Variants in CDC123 observed in about 807,000 individuals in gnomAD.
CDC123 encodes cell division cycle 123, also known as translation initiation factor eIF2 assembly protein.
Under a neutral mutation model 54.4 loss-of-function variants are expected in CDC123, and 37 were observed. The observed-to-expected ratio is 0.68, with a 90% CI of 0.52 to 0.89. CDC123 has a LOEUF of 0.89. CDC123 is among the 40% of genes least tolerant of loss of function. The pLI is 0.00. For missense variants in CDC123, 361 were observed against 412.1 expected (o/e 0.88, Z 1.07); for synonymous variants, 144 against 136.8 (o/e 1.05, Z -0.37).
At chr10:12,211,151 C>T (rs1835593949) in intron 4 of CDC123, among the ~76,000 whole-genome samples, 1 of 152,072 alleles carries the variant, frequency 6.6e-6, no homozygotes, top group Non-Finnish European at 1.5e-5. Flanking sequence ...TGAAAGTTAA[C>T]CTAAAATTTT....
chr10:12,215,793 C>A lies in CDC123; in HGVS notation c.291C>A (p.Leu97=), dbSNP rs763125813. ...AAGTCCAGGAAGCTATCAATTCCCT[C>A]GGGGGCAGTGTCTTTCCTAAGCTTA... is the stretch of plus-strand genomic sequence containing the variant. ...ATKVQEAINS[L]GGSVFPKLNW... The change falls in exon 5 of 13, where the codon CTC becomes CTA. Residue 97 remains leucine (L), a synonymous_variant. Transcript: ENST00000281141. 1 of 1,612,594 alleles carries A rather than the reference C, an allele frequency of 6.2e-7. No homozygotes were observed. Among genetic ancestry groups the A allele is most frequent in the Non-Finnish European group, 8.5e-7 (1 of 1,179,452 alleles).
At chr10:12,207,798 C>T (rs4747968) in intron 2 of CDC123, among the ~76,000 whole-genome samples, 73,182 of 151,956 alleles carry the variant, frequency 0.48, 19,693 homozygotes, top group Middle Eastern at 0.61. Context: ...ATTTCACCCC[C>T]ATATTCATTT....
In CDC123 at chr10:12,217,486, C is replaced by A; in HGVS notation, c.440+19C>A. 6.2e-7 allele frequency: 1 copy of A among 1,609,164 alleles called. No homozygotes were observed. The highest frequency in any genetic ancestry group is 1.1e-5 in the South Asian group (1 of 90,252). On this transcript the variant is annotated intron_variant, in intron 6 of 12. Coordinates refer to ENST00000281141, the MANE Select transcript of CDC123 (RefSeq NM_006023.3). ...CTCAGCCGTAAGTATCTCTTATTCT[C>A]TCATGTCAATAGTTTCAGTATTTGT...
intron 2 of CDC123, among the ~76,000 whole-genome samples, chr10:12,200,406 G>A (rs892232503): frequency 9.2e-5 from 14 of 151,892 alleles, no homozygotes; most frequent in African/African-American, 2.7e-4. Context: ...GATTACAGGC[G>A]TGAGCCACTG....
intron 6 of CDC123, among the ~76,000 whole-genome samples, chr10:12,222,787 T>C (rs1044329915): frequency 1.3e-5 from 2 of 152,224 alleles, no homozygotes; most frequent in African/African-American, 4.8e-5. Flanking sequence ...AGAGTCTCAC[T>C]CTGTCACCCA....
At position 12,217,445 on chromosome 10, in the gene CDC123, A is replaced by G; in HGVS notation, c.418A>G (p.Ile140Val). 6.2e-7 allele frequency: 1 copy of G among 1,613,966 alleles called. No homozygotes were observed. ...TCTGCTTTTCAAGAGTTCCGATTTC[A>G]TCACTCGTGACTTCACTCAGCCGTA... Reference protein sequence around the residue: ...IFLLFKSSDFITRDFTQPFIH... With the variant: ...IFLLFKSSDFVTRDFTQPFIH... Residue 140 changes from isoleucine (I) to valine (V), a missense_variant, in exon 6 of 13, where the codon ATC becomes GTC. Physicochemically the swap from Ile to Val is conservative, Grantham distance 29. Transcript: ENST00000281141.
intron 4 of CDC123, among the ~76,000 whole-genome samples, chr10:12,213,911 C>T (rs1333507713): frequency 3.3e-5 from 5 of 152,176 alleles, no homozygotes; most frequent in South Asian, 4.1e-4. Flanking sequence ...ATTGCCTGTC[C>T]GTAAGAATTA....
intron 10 of CDC123, among the ~76,000 whole-genome samples, chr10:12,243,258 C>T (rs374185963): frequency 6.6e-6 from 1 of 151,380 alleles, no homozygotes; most frequent in African/African-American, 2.4e-5. Flanking sequence ...ATTAGCCAGG[C>T]GTGGTGGTGC....
chr10:12,223,876 A>G (rs1480418815), intron 6 of CDC123, among the ~76,000 whole-genome samples: 1 of 151,028 alleles, frequency 6.6e-6, no homozygotes, highest in African/African-American at 2.4e-5. Flanking sequence ...TTATTTTTTT[A>G]TTTCAGTAGG....
intron 2 of CDC123, among the ~76,000 whole-genome samples, chr10:12,201,084 T>A (rs4255450): frequency 4.6e-5 from 7 of 152,228 alleles, no homozygotes; most frequent in East Asian, 1.9e-4. Context: ...GTCAGATTGC[T>A]TAATTTTAAG....
At chr10:12,219,967 C>T (rs555641948) in intron 6 of CDC123, among the ~76,000 whole-genome samples, 4 of 152,258 alleles carry the variant, frequency 2.6e-5, no homozygotes, top group African/African-American at 9.6e-5. Flanking sequence ...GAATTACAGG[C>T]GTGGGCCACC....
intron 7 of CDC123, among the ~76,000 whole-genome samples, chr10:12,233,516 T>C: frequency 6.6e-6 from 1 of 152,230 alleles, no homozygotes; most frequent in East Asian, 1.9e-4. Flanking sequence ...TTGATAAACA[T>C]TATGCAAATT....
intron 7 of CDC123, among the ~76,000 whole-genome samples, chr10:12,234,177 C>T (rs1328527775): frequency 2.0e-5 from 3 of 152,208 alleles, no homozygotes; most frequent in Admixed American, 6.5e-5. Context: ...TCACTGCAAC[C>T]TCCGCTTCCT....
chr10:12,249,642 G>C lies in CDC123; in HGVS notation c.908G>C (p.Ser303Thr). 6.2e-7 allele frequency: 1 copy of C among 1,614,152 alleles called. No homozygotes were observed. Among genetic ancestry groups the C allele is most frequent in the Non-Finnish European group, 8.5e-7 (1 of 1,180,020 alleles). The change falls in exon 12 of 13, where the codon AGT becomes ACT. Residue 303 changes from serine to threonine, a missense_variant. Coordinates refer to ENST00000281141, the MANE Select transcript of CDC123 (RefSeq NM_006023.3). ...ACAGTCCAGCCCAGCCCCTATTTGA[G>C]TTACCGGCTACCCAAGGACTTTGTA... ...EVTVQPSPYL[S>T]YRLPKDFVDL...
intron 6 of CDC123, among the ~76,000 whole-genome samples, chr10:12,228,458 T>C (rs1484511705): frequency 2.0e-5 from 3 of 151,220 alleles, no homozygotes; most frequent in Non-Finnish European, 4.4e-5. Flanking sequence ...CAGGCTGGAG[T>C]GCAGTGGCGC....
At chr10:12,213,742 C>T (rs947733757) in intron 4 of CDC123, among the ~76,000 whole-genome samples, 1 of 151,948 alleles carries the variant, frequency 6.6e-6, no homozygotes, top group Non-Finnish European at 1.5e-5. Context: ...CATGAGGGAA[C>T]CAGACAGATT....
At chr10:12,239,415 T>C (rs966333217) in intron 10 of CDC123, among the ~76,000 whole-genome samples, 1 of 152,164 alleles carries the variant, frequency 6.6e-6, no homozygotes, top group African/African-American at 2.4e-5. Context: ...TCACTTGATA[T>C]TTATATAATT....
chr10:12,219,707 C>T (rs1477044514), intron 6 of CDC123, among the ~76,000 whole-genome samples: 16 of 52,264 alleles, frequency 3.1e-4, no homozygotes, highest in Non-Finnish European at 6.3e-4. Flanking sequence ...TTTTTTTTGA[C>T]GGAGTCTCAC....
intron 10 of CDC123, among the ~76,000 whole-genome samples, chr10:12,243,425 A>G (rs933673712): frequency 1.3e-4 from 19 of 151,628 alleles, no homozygotes; most frequent in African/African-American, 4.6e-4. Flanking sequence ...GGTTTTTTGC[A>G]TTGTGGCATA....
Sources: allele counts gnomAD v4.1 joint callset (sites outside exome capture counted in the v4.1 genomes callset), GRCh38; gene constraint gnomAD v4.1.1; transcripts MANE v1.5; gene names NCBI Gene and HGNC (gene_info 2026-07-23, HGNC 2026-07-21).